Variants in ZNF518A observed in about 807,000 individuals in gnomAD.
ZNF518A encodes the protein zinc finger protein 518A, also known as zinc finger protein 518.
Under a neutral mutation model 102.7 loss-of-function variants are expected in ZNF518A, and 47 were observed. The ratio of observed to expected loss-of-function variants is 0.46; its 90% CI spans 0.36 to 0.58. The LOEUF (loss-of-function observed/expected upper bound fraction) is 0.58. Among genes scored for constraint, ZNF518A ranks in the 20% least tolerant of loss-of-function variants. The pLI, the probability that ZNF518A is intolerant of heterozygous loss-of-function variation, is 0.00. For synonymous variants in ZNF518A, 652 were observed against 594.6 expected (o/e 1.10, Z -1.40); for missense variants, 1,793 against 1,699.8 (o/e 1.05, Z -0.96).
intron 1 of ZNF518A, among the ~76,000 whole-genome samples, chr10:96,181,370 T>C (rs1201001158): frequency 1.3e-5 from 2 of 152,210 alleles, no homozygotes; most frequent in Non-Finnish European, 2.9e-5. Context: ...TTTGTCAATT[T>C]TGGCTTTTGT....
chr10:96,131,588 A>T (rs891314745), intron 1 of ZNF518A, among the ~76,000 whole-genome samples: 3 of 152,222 alleles, frequency 2.0e-5, no homozygotes, highest in African/African-American at 7.2e-5. Flanking sequence ...AAAAGGGGAG[A>T]ATAAAATGTA....
At chr10:96,144,336 G>A (rs1564750916) in intron 3 of ZNF518A, among the ~76,000 whole-genome samples, 1 of 151,976 alleles carries the variant, frequency 6.6e-6, no homozygotes, top group Non-Finnish European at 1.5e-5. Flanking sequence ...AATAAATACT[G>A]TTCCAAGTCA....
At chr10:96,183,532 T>C (rs2083252484) in intron 1 of ZNF518A, among the ~76,000 whole-genome samples, 1 of 152,244 alleles carries the variant, frequency 6.6e-6, no homozygotes, top group South Asian at 2.1e-4. Flanking sequence ...CTCATTCATT[T>C]CAAAGAACAT....
chr10:96,203,117 C>T (rs782100670), intron 1 of ZNF518A, among the ~76,000 whole-genome samples: 1 of 152,156 alleles, frequency 6.6e-6, no homozygotes, highest in Non-Finnish European at 1.5e-5. Context: ...TTATTTGTTT[C>T]GTTCATCCTT....
At chr10:96,170,404 G>A (rs1344721743) in intron 1 of ZNF518A, among the ~76,000 whole-genome samples, 2 of 152,174 alleles carry the variant, frequency 1.3e-5, no homozygotes, top group East Asian at 3.8e-4. Flanking sequence ...CACCAGACAG[G>A]TCAGTATAAA....
Position 96,158,570 on chromosome 10 carries a change from T to C in ZNF518A, c.2248T>C (p.Trp750Arg), listed in dbSNP as rs972972253. 1.9e-6 allele frequency: 3 copies of C among 1,613,160 alleles called. No homozygotes were observed. The highest frequency in any genetic ancestry group is 1.7e-6 in the Non-Finnish European group (2 of 1,179,610). Reference sequence around the variant, plus strand: ...AGAGTGTGCGACTGAAAAATCTAAATGGGAAGACTTTTCTAATGTCGATTC... The same window carrying C: ...AGAGTGTGCGACTGAAAAATCTAAACGGGAAGACTTTTCTAATGTCGATTC... ...NLECATEKSKWEDFSNVDSPM... is the reference protein window; with the variant it reads ...NLECATEKSKREDFSNVDSPM... The change falls in exon 6 of 6, where the codon TGG (tryptophan) becomes CGG (arginine). Residue 750 changes from tryptophan to arginine, a missense_variant. Physicochemically the swap from Trp to Arg is moderately radical, Grantham distance 101. Around this residue, in one of 3 missense-constraint regions of ZNF518A, gnomAD observed 1,741 missense variants for 1,622.6 expected, o/e 1.07. Transcript: ENST00000316045.
chr10:96,176,962 C>T (rs2083208376), intron 1 of ZNF518A, among the ~76,000 whole-genome samples: 1 of 151,774 alleles, frequency 6.6e-6, no homozygotes, highest in Non-Finnish European at 1.5e-5. Flanking sequence ...CCTGTAGTCC[C>T]AGCTACTTCA....
At position 96,158,979 on chromosome 10, in the gene ZNF518A, C is replaced by T; in HGVS notation, c.2657C>T (p.Thr886Ile). ...ATGCCTAGAATTTCAGGTTTTGGCA[C>T]ATTACTTAAGACTCAGTCAGATGCG... ...EKMPRISGFG[T>I]LLKTQSDAII... The change falls in exon 6 of 6, where the codon ACA becomes ATA. Residue 886 changes from threonine to isoleucine, a missense_variant. Coordinates refer to ENST00000316045, the MANE Select transcript of ZNF518A (RefSeq NM_001330736.2). 6.2e-7 allele frequency: 1 copy of T among 1,613,522 alleles called. No homozygotes were observed.
In ZNF518A at chr10:96,156,373, A is replaced by T; in HGVS notation, c.51A>T (p.Leu17Phe). ...QLFCDEKQTT[L>F]KKDYDVKNEI... ...TTTGTGATGAAAAACAAACTACTTTAAAAAAAGATTATGATGTGAAAAATG... is the reference window on the plus strand; with the variant it reads ...TTTGTGATGAAAAACAAACTACTTTTAAAAAAGATTATGATGTGAAAAATG... The change falls in exon 6 of 6, where the codon TTA (leucine) becomes TTT (phenylalanine). Residue 17 changes from leucine (L) to phenylalanine (F), a missense_variant. Physicochemically the swap from Leu to Phe is conservative, Grantham distance 22. This residue lies in a region of ZNF518A where 1,741 missense variants were observed against 1,622.6 expected (regional missense o/e 1.07). Transcript: ENST00000316045. The T allele has an allele frequency of 6.3e-7, 1 of 1,592,620 alleles. No homozygotes were observed. The highest frequency in any genetic ancestry group is 8.5e-7 in the Non-Finnish European group (1 of 1,173,806).
In ZNF518A at chr10:96,159,338, A is replaced by G. The variant is rs782750524; in HGVS notation, c.3016A>G (p.Lys1006Glu). 3.7e-6 allele frequency: 6 copies of G among 1,613,748 alleles called. No individual in the cohort carries two copies. The South Asian group carries it at 5.5e-5, about 15-fold the overall frequency. The change falls in exon 6 of 6, where the codon AAG becomes GAG. Residue 1006 changes from lysine (K) to glutamate (E), a missense_variant. Physicochemically the swap from Lys to Glu is moderately conservative, Grantham distance 56. Around this residue, in one of 3 missense-constraint regions of ZNF518A, gnomAD observed 1,741 missense variants for 1,622.6 expected, o/e 1.07. Transcript: ENST00000316045. ...EGAPARGTVT[K>E]EPCKTPILKV... ...TGCCCCAGCTCGTGGAACTGTGACT[A>G]AGGAGCCTTGCAAAACACCTATTTT...
chr10:96,198,158 C>G (rs1480686013), intron 1 of ZNF518A, among the ~76,000 whole-genome samples: 2 of 151,920 alleles, frequency 1.3e-5, no homozygotes, highest in East Asian at 3.9e-4. Flanking sequence ...GGGACGAGAG[C>G]TTCAAATGAA....
In ZNF518A at chr10:96,201,683, CAA is replaced by C. The variant is rs1255649394; in HGVS notation, n.36-1889_36-1888del. On this transcript the variant is annotated intron_variant and non_coding_transcript_variant, in intron 1 of 2. Coordinates refer to the ZNF518A transcript ENST00000442635. ...TGCTGACTTCAGGCATCAACTCCCT[CAA>C]AGAGTTTACAGTCTAAATGTGGAAA... Among the ~76,000 whole-genome samples the C allele has an allele frequency of 2.0e-5, 3 of 151,848 alleles. No homozygotes were observed. The East Asian group carries it at 5.8e-4, about 29-fold the overall frequency.
chr10:96,179,753 A>ATTCTTTTTC (rs2083227194), intron 1 of ZNF518A, among the ~76,000 whole-genome samples: 1 of 150,284 alleles, frequency 6.7e-6, no homozygotes, highest in South Asian at 2.1e-4. Flanking sequence ...ATCTTTTACA[A>ATTCTTTTTC]TTCTTCTTCT....
intron 3 of ZNF518A, among the ~76,000 whole-genome samples, chr10:96,142,417 T>A (rs979911983): frequency 1.3e-5 from 2 of 151,944 alleles, no homozygotes; most frequent in Non-Finnish European, 2.9e-5. Flanking sequence ...TACATGCTGC[T>A]TTGGTTTGAT....
chr10:96,188,925 G>A (rs1050171349), intron 1 of ZNF518A, among the ~76,000 whole-genome samples: 2 of 152,152 alleles, frequency 1.3e-5, no homozygotes, highest in African/African-American at 4.8e-5. Flanking sequence ...GTCTGTTCTT[G>A]CCTCTTCCTA....
chr10:96,135,823 A>T (rs1249227169), intron 3 of ZNF518A, among the ~76,000 whole-genome samples: 2 of 152,208 alleles, frequency 1.3e-5, no homozygotes, highest in African/African-American at 4.8e-5. Flanking sequence ...AACAGAAAAA[A>T]CAGATAAATG....
At chr10:96,201,482 T>C (rs1453272664) in intron 1 of ZNF518A, among the ~76,000 whole-genome samples, 1 of 152,232 alleles carries the variant, frequency 6.6e-6, no homozygotes, top group African/African-American at 2.4e-5. Flanking sequence ...ATATTATTTA[T>C]GTTAACATGT....
chr10:96,130,916 A>G (rs2081302515), intron 1 of ZNF518A, 164 bp downstream of exon 1: 1 of 152,248 alleles, frequency 6.6e-6, no homozygotes, highest in South Asian at 2.1e-4. Flanking sequence ...AAAAGTACAT[A>G]GAGCGAAATG....
At chr10:96,130,218 C>A (rs1199330166), upstream of ZNF518A, 4 of 152,788 alleles carry the variant, frequency 2.6e-5, no homozygotes, top group African/African-American at 9.6e-5. Context: ...CGTCAGGGTC[C>A]CCCAAACAGG....
Sources: allele counts gnomAD v4.1 joint callset (sites outside exome capture counted in the v4.1 genomes callset), GRCh38; gene constraint gnomAD v4.1.1; regional missense constraint gnomAD v4.1.1; transcripts MANE v1.5; gene names NCBI Gene and HGNC (gene_info 2026-07-23, HGNC 2026-07-21).